CEP20: variants seen among roughly 807,000 people sequenced by gnomAD.
CEP20 encodes the protein FGFR1OP N-terminal like.
CEP20 carries 18 observed loss-of-function variants against 20.0 expected under a neutral mutation model. The ratio of observed to expected loss-of-function variants is 0.90; its 90% confidence interval spans 0.62 to 1.34. CEP20 has a LOEUF of 1.34. Among genes scored for constraint, CEP20 ranks in the 40% most tolerant of loss-of-function variants. The pLI is 0.00. For synonymous variants in CEP20, 77 were observed against 73.7 expected (o/e 1.04, Z -0.23); for missense variants, 215 against 201.6 (o/e 1.07, Z -0.40).
chr16:15,888,075 TTA>T (rs1491101367), intron 1 of CEP20, among the ~76,000 whole-genome samples: 13 of 132,916 alleles, frequency 9.8e-5, no homozygotes, highest in Non-Finnish European at 6.4e-5. Flanking sequence ...GACCCTCTCT[TTA>T]AAAAAAAAAA....
intron 4 of CEP20, among the ~76,000 whole-genome samples, chr16:15,870,651 C>T (rs1383634643): frequency 2.0e-5 from 3 of 151,728 alleles, no homozygotes; most frequent in African/African-American, 7.3e-5. Flanking sequence ...ACCCTGACTG[C>T]AAAAAATTAA....
At position 15,867,416 on chromosome 16, in the gene CEP20, A is replaced by G. The variant is rs1596982023; in HGVS notation, c.*24T>C. The G allele has an allele frequency of 6.5e-7, 1 of 1,543,200 alleles. No homozygotes were observed. The highest frequency in any genetic ancestry group is 2.3e-5 in the East Asian group (1 of 43,824). On this transcript the variant is annotated 3_prime_UTR_variant, in exon 5 of 5. Transcript: ENST00000255759. Reference sequence around the variant, plus strand: ...ATTTAATTAATAATACAATTTTAAGACAAAAGATACCCCAAACAAAGCATT... The same window carrying G: ...ATTTAATTAATAATACAATTTTAAGGCAAAAGATACCCCAAACAAAGCATT...
At chr16:15,876,686 C>T (rs893459391) in intron 3 of CEP20, among the ~76,000 whole-genome samples, 6 of 152,052 alleles carry the variant, frequency 3.9e-5, no homozygotes, top group Admixed American at 1.3e-4. Flanking sequence ...TGCAGCACTG[C>T]AGATCTGTAA....
chr16:15,873,459 C>T, intron 4 of CEP20, 32 bp downstream of exon 4: 1 of 1,591,140 alleles, frequency 6.3e-7, no homozygotes, highest in Non-Finnish European at 8.5e-7. Context: ...TATTTGCTGA[C>T]AGCTAAATGA....
At chr16:15,886,289 CT>C (rs2045246523) in intron 1 of CEP20, 1 of 152,252 alleles carries the variant, frequency 6.6e-6, no homozygotes, top group Non-Finnish European at 1.5e-5. Context: ...AGAATCTTCA[CT>C]GACTTTTGAC....
intron 3 of CEP20, among the ~76,000 whole-genome samples, chr16:15,876,970 G>A (rs769249389): frequency 3.3e-5 from 5 of 150,812 alleles, no homozygotes; most frequent in South Asian, 2.1e-4. Flanking sequence ...TTCCTGCCTC[G>A]GCCTCCCAAG....
In CEP20 at chr16:15,871,886, T is replaced by C. The variant is rs75535529; in HGVS notation, c.448+1605A>G. Reference sequence around the variant, plus strand: ...ACACGGTCACTACTGGTCATAGCAGTTTAGGAAACTACAAAGGCAATCCAC... The same window carrying C: ...ACACGGTCACTACTGGTCATAGCAGCTTAGGAAACTACAAAGGCAATCCAC... On this transcript the variant is annotated intron_variant, in intron 4 of 4. Coordinates refer to ENST00000255759, the MANE Select transcript of CEP20 (RefSeq NM_144600.4). Among the ~76,000 whole-genome samples the C allele has an allele frequency of 1.5e-3, 229 of 152,238 alleles. 3 individuals carry two copies. In the East Asian group the frequency reaches 0.031, roughly 20 times the overall value.
chr16:15,884,318 G>T, intron 1 of CEP20, 113 bp from the exon 2 acceptor site: 1 of 865,384 alleles, frequency 1.2e-6, no homozygotes, highest in Non-Finnish European at 1.7e-6. Flanking sequence ...CTCTCAAGCA[G>T]CTCTTAATCT....
intron 3 of CEP20, among the ~76,000 whole-genome samples, chr16:15,874,099 G>A (rs1051256719): frequency 5.3e-5 from 8 of 152,182 alleles, no homozygotes; most frequent in African/African-American, 1.4e-4. Context: ...CTCTGTGTAA[G>A]ATTCTTAACC....
intron 3 of CEP20, among the ~76,000 whole-genome samples, chr16:15,879,463 A>C (rs1141597): frequency 0.22 from 33,800 of 152,032 alleles, 4,320 homozygotes; most frequent in African/African-American, 0.36. Context: ...GCCTGGGCAA[A>C]AAAGCGAGGC....
chr16:15,884,198 C>T lies in CEP20; in HGVS notation c.36G>A (p.Lys12=). 1 of 1,602,904 alleles carries T rather than the reference C, an allele frequency of 6.2e-7. No homozygotes were observed. Among genetic ancestry groups the T allele is most frequent in the Non-Finnish European group, 8.5e-7 (1 of 1,172,432 alleles). ...ATVAELKAVL[K]DTLEKKGVLG... ...ATACCCCCTTTTTTTCCAAGGTGTC[C>T]TTTAAAACTGTTCGATATAAAATAT... The change falls in exon 2 of 5, where the codon AAG becomes AAA. Residue 12 remains lysine, a synonymous_variant. Coordinates refer to ENST00000255759, the MANE Select transcript of CEP20 (RefSeq NM_144600.4).
chr16:15,871,188 G>A (rs138532541), intron 4 of CEP20, among the ~76,000 whole-genome samples: 107 of 152,076 alleles, frequency 7.0e-4, no homozygotes, highest in African/African-American at 2.4e-3. Context: ...CCTGGGAGGC[G>A]GAGGTTGCAG....
chr16:15,885,590 A>C (rs938437975), intron 1 of CEP20: 1 of 152,060 alleles, frequency 6.6e-6, no homozygotes, highest in Non-Finnish European at 1.5e-5. Context: ...ACAGGGTTTC[A>C]CTATGTTGGC....
rs1174202126 is a variant in CEP20 at position 15,867,217 on chromosome 16, A to C, written c.*223T>G. 5.0e-6 allele frequency: 2 copies of C among 403,920 alleles called. No individual in the cohort carries two copies. Among genetic ancestry groups the C allele is most frequent in the Admixed American group, 4.1e-5 (1 of 24,634 alleles). The allele number at this position is 403,920 out of a possible 1,614,324, so 25.0% of individuals were successfully genotyped here. On this transcript the variant is annotated 3_prime_UTR_variant, in exon 5 of 5. Coordinates refer to ENST00000255759, the MANE Select transcript of CEP20 (RefSeq NM_144600.4). Reference sequence around the variant, plus strand: ...AGCGAGACTCCATCTCAAAAAAACAAAAAATACTTCGTAAAAACAATACTT... The same window carrying C: ...AGCGAGACTCCATCTCAAAAAAACACAAAATACTTCGTAAAAACAATACTT...
chr16:15,885,257 G>A (rs2045212258), intron 1 of CEP20, among the ~76,000 whole-genome samples: 1 of 151,698 alleles, frequency 6.6e-6, no homozygotes, highest in South Asian at 2.1e-4. Context: ...GCAGTGAGCT[G>A]AGGTGGTGCC....
chr16:15,868,910 C>T (rs997971655), intron 4 of CEP20, among the ~76,000 whole-genome samples: 2 of 151,802 alleles, frequency 1.3e-5, no homozygotes, highest in African/African-American at 2.4e-5. Flanking sequence ...CTTTCATTTA[C>T]AATAAAAATC....
At chr16:15,876,368 G>T (rs775763143) in intron 3 of CEP20, among the ~76,000 whole-genome samples, 23 of 151,948 alleles carry the variant, frequency 1.5e-4, no homozygotes, top group South Asian at 4.2e-4. Context: ...CCAGCTACTT[G>T]GGAGGCTGAG....
intron 2 of CEP20, among the ~76,000 whole-genome samples, chr16:15,881,924 C>T (rs373529536): frequency 6.6e-6 from 1 of 152,062 alleles, no homozygotes; most frequent in East Asian, 1.9e-4. Context: ...TGGAGTTTCC[C>T]GCTGCTAGAG....
chr16:15,872,308 T>C (rs1425941354), intron 4 of CEP20, among the ~76,000 whole-genome samples: 2 of 149,232 alleles, frequency 1.3e-5, no homozygotes, highest in Non-Finnish European at 1.5e-5. Flanking sequence ...AGCGAGACTC[T>C]GTCTCAAAAA....
Sources: allele counts gnomAD v4.1 joint callset (sites outside exome capture counted in the v4.1 genomes callset), GRCh38; gene constraint gnomAD v4.1.1; transcripts MANE v1.5; gene names NCBI Gene and HGNC (gene_info 2026-07-23, HGNC 2026-07-21).